The following ZFHX3 variants were observed in gnomAD, a reference collection of about 807,000 sequenced individuals.
ZFHX3 encodes zinc finger homeobox 3, also known as zinc finger homeobox protein 3.
ZFHX3 carries 42 observed loss-of-function variants against 279.1 expected under a neutral mutation model. The ratio of observed to expected loss-of-function variants is 0.15; its 90% confidence interval spans 0.12 to 0.19. The LOEUF (loss-of-function observed/expected upper bound fraction) is 0.19. ZFHX3 is among the 10% of genes least tolerant of loss of function. The probability of loss-of-function intolerance (pLI) is 1.00; values close to 1 mark genes in which losing one functional copy is unlikely to be tolerated. For synonymous variants in ZFHX3, 2,293 were observed against 1,957.8 expected, an observed-to-expected ratio of 1.17 and a Z score of -4.52; for missense variants, 4,981 against 4,754.0, an observed-to-expected ratio of 1.05 and a Z score of -1.40.
Position 73,045,176 on chromosome 16 carries a change from C to T in ZFHX3, c.-50+2576G>A, listed in dbSNP as rs942587057. On this transcript the variant is annotated intron_variant, in intron 1 of 9. Coordinates refer to ENST00000268489, the MANE Select transcript of ZFHX3 (RefSeq NM_006885.4). ...CCCTGAAAGATACACCAAAAAGGAA[C>T]AACTGCACACAGTGACAATAAGGAC... Among the ~76,000 whole-genome samples, 4 of 152,142 alleles carry T rather than the reference C, an allele frequency of 2.6e-5. No homozygotes were observed. In the South Asian group the frequency reaches 8.3e-4, roughly 31 times the overall value.
chr16:73,810,236 C>G (rs529564853), intron 1 of ZFHX3, among the ~76,000 whole-genome samples: 4 of 152,208 alleles, frequency 2.6e-5, no homozygotes, highest in Admixed American at 6.5e-5. Flanking sequence ...AAAACTGAAG[C>G]TGTAGCTCTC....
chr16:73,123,747 G>A (rs764966670), intron 7 of ZFHX3: 1 of 152,126 alleles, frequency 6.6e-6, no homozygotes, highest in African/African-American at 2.4e-5. Context: ...GGCATTAAGA[G>A]GTAGAGTCTT....
intron 3 of ZFHX3, among the ~76,000 whole-genome samples, chr16:73,455,142 T>C (rs924374818): frequency 1.3e-5 from 2 of 151,428 alleles, no homozygotes; most frequent in Non-Finnish European, 2.9e-5. Flanking sequence ...GACCCCTTGA[T>C]AGAAAACAAG....
At chr16:73,045,938 G>T (rs372897850) in intron 1 of ZFHX3, among the ~76,000 whole-genome samples, 9 of 152,202 alleles carry the variant, frequency 5.9e-5, no homozygotes, top group African/African-American at 2.2e-4. Context: ...TCTGCTCCAT[G>T]TTGTTAAATA....
chr16:72,843,857 C>G (rs1483028148), intron 4 of ZFHX3, among the ~76,000 whole-genome samples: 1 of 152,168 alleles, frequency 6.6e-6, no homozygotes, highest in African/African-American at 2.4e-5. Flanking sequence ...AAAACCAAAG[C>G]AAACCCCACG....
intron 2 of ZFHX3, among the ~76,000 whole-genome samples, chr16:73,621,087 C>A (rs1351785916): frequency 6.6e-6 from 1 of 152,180 alleles, no homozygotes; most frequent in Non-Finnish European, 1.5e-5. Flanking sequence ...GCACCAACGG[C>A]CATTACTGAG....
intron 2 of ZFHX3, among the ~76,000 whole-genome samples, chr16:73,524,137 G>C (rs1468584470): frequency 6.6e-6 from 1 of 152,172 alleles, no homozygotes; most frequent in African/African-American, 2.4e-5. Context: ...TCATCTGTCA[G>C]CTGATTCCTT....
intron 5 of ZFHX3, among the ~76,000 whole-genome samples, chr16:73,220,044 C>T (rs551959234): frequency 6.6e-6 from 1 of 151,778 alleles, no homozygotes; most frequent in African/African-American, 2.4e-5. Flanking sequence ...TGAGGTTGTG[C>T]CATTGTACTC....
intron 2 of ZFHX3, among the ~76,000 whole-genome samples, chr16:73,519,258 T>C (rs1416728019): frequency 3.3e-5 from 5 of 152,316 alleles, no homozygotes; most frequent in Middle Eastern, 3.4e-3. Flanking sequence ...AGATATTTTC[T>C]ACATTATTGG....
chr16:73,650,886 G>A (rs988362998), intron 2 of ZFHX3, among the ~76,000 whole-genome samples: 1 of 151,920 alleles, frequency 6.6e-6, no homozygotes, highest in Non-Finnish European at 1.5e-5. Context: ...AAGTATGTTA[G>A]GGAAAAATGC....
At chr16:73,190,420 C>G (rs929794129) in intron 5 of ZFHX3, among the ~76,000 whole-genome samples, 2 of 152,176 alleles carry the variant, frequency 1.3e-5, no homozygotes, top group Non-Finnish European at 2.9e-5. Flanking sequence ...TGAGCTCACA[C>G]ATAGATTGCC....
rs1344786647 is a variant in ZFHX3 at position 72,794,218 on chromosome 16, T to G, written c.8464A>C (p.Asn2822His). Reference protein sequence around the residue: ...DFESPSMSSVNLNFDQTKLDN... With the variant: ...DFESPSMSSVHLNFDQTKLDN... Reference sequence around the variant, plus strand: ...AGCTTAGTTTGGTCAAAGTTTAGATTAACTGAGGACATGGAGGGGCTTTCA... The same window carrying G: ...AGCTTAGTTTGGTCAAAGTTTAGATGAACTGAGGACATGGAGGGGCTTTCA... Residue 2822 changes from asparagine (N) to histidine (H), a missense_variant, in exon 9 of 10, where the codon AAT becomes CAT. Physicochemically the swap from Asn to His is moderately conservative, Grantham distance 68. Transcript: ENST00000268489. This position sits in a 1 kb window ranked among gnomAD's most constrained non-coding sequence, Gnocchi z 4.2. 4 of 1,614,178 alleles carry G rather than the reference T, an allele frequency of 2.5e-6. No individual in the cohort carries two copies. Among genetic ancestry groups the G allele is most frequent in the Middle Eastern group, 1.6e-4 (1 of 6,062 alleles).
At chr16:73,500,747 T>C (rs562588647) in intron 2 of ZFHX3, among the ~76,000 whole-genome samples, 18 of 148,942 alleles carry the variant, frequency 1.2e-4, no homozygotes, top group African/African-American at 4.2e-4. Flanking sequence ...TACTTTTGTA[T>C]AGCTTAAACA....
intron 1 of ZFHX3, among the ~76,000 whole-genome samples, chr16:73,818,577 G>C (rs752113554): frequency 3.9e-5 from 6 of 152,170 alleles, no homozygotes; most frequent in Non-Finnish European, 8.8e-5. Flanking sequence ...TTGTATCAAA[G>C]CATTAAATAA....
At chr16:73,779,110 C>G (rs960025836) in intron 1 of ZFHX3, among the ~76,000 whole-genome samples, 1 of 152,160 alleles carries the variant, frequency 6.6e-6, no homozygotes, top group Non-Finnish European at 1.5e-5. Context: ...ACACAGAACC[C>G]GTGTCTTGCA....
intron 1 of ZFHX3, among the ~76,000 whole-genome samples, chr16:73,805,428 C>A (rs1960252361): frequency 6.6e-6 from 1 of 152,192 alleles, no homozygotes; most frequent in African/African-American, 2.4e-5. Flanking sequence ...CTCTGCCTCC[C>A]AAAGTGCTGG....
chr16:73,028,119 G>A (rs1180384843), intron 1 of ZFHX3, among the ~76,000 whole-genome samples: 2 of 152,070 alleles, frequency 1.3e-5, no homozygotes, highest in African/African-American at 2.4e-5. Context: ...GGGACCCTGC[G>A]GCTTCTCCTT....
At chr16:73,456,867 T>A (rs1329912725) in intron 2 of ZFHX3, among the ~76,000 whole-genome samples, 3 of 152,242 alleles carry the variant, frequency 2.0e-5, no homozygotes. Flanking sequence ...AATTCTCTGC[T>A]GGCCTCCCCT....
At chr16:73,742,246 G>T (rs2053664649) in intron 1 of ZFHX3, among the ~76,000 whole-genome samples, 1 of 152,140 alleles carries the variant, frequency 6.6e-6, no homozygotes, top group African/African-American at 2.4e-5. Context: ...TCATGCCTTT[G>T]TCTAGTTCAC....
Sources: gnomAD v4.1 joint callset for allele counts (sites outside exome capture counted in the v4.1 genomes callset) on GRCh38, gnomAD v4.1.1 for gene constraint, Gnocchi (gnomAD v3.1) non-coding constraint, MANE v1.5 for transcripts, NCBI Gene and HGNC (gene_info 2026-07-23, HGNC 2026-07-21) for gene names.